The following TRIM66 variants were observed in gnomAD, a reference collection of about 807,000 sequenced individuals.
TRIM66 encodes the protein tripartite motif containing 66.
Under a neutral mutation model 148.2 loss-of-function variants are expected in TRIM66, and 99 were observed. That is an observed-to-expected ratio of 0.67 (90% confidence interval 0.57 to 0.79). The LOEUF is 0.79. Among genes scored for constraint, TRIM66 ranks in the 30% least tolerant of loss-of-function variants. The pLI is 0.00. For missense variants in TRIM66, 1,666 were observed against 1,697.9 expected (o/e 0.98, Z 0.33); for synonymous variants, 616 against 635.9 (o/e 0.97, Z 0.47).
At chr11:8,656,949 C>G (rs1036615036) in intron 6 of TRIM66, among the ~76,000 whole-genome samples, 6 of 152,188 alleles carry the variant, frequency 3.9e-5, no homozygotes, top group Admixed American at 2.0e-4. Flanking sequence ...GAGCCAGACT[C>G]CCACAGCTCA....
At chr11:8,618,090 CCAAGT>C in intron 24 of TRIM66, 87 bp from the exon 25 acceptor site, 1 of 1,286,970 alleles carries the variant, frequency 7.8e-7, no homozygotes, top group Non-Finnish European at 1.1e-6. Context: ...TGCAGTTCTG[CCAAGT>C]CAACGTATTT....
At chr11:8,676,796 T>A (rs1010297269) in intron 3 of TRIM66, among the ~76,000 whole-genome samples, 9 of 152,272 alleles carry the variant, frequency 5.9e-5, no homozygotes, top group African/African-American at 2.2e-4. Flanking sequence ...GGGACAGAGT[T>A]TGCAAGACTG....
In TRIM66 at chr11:8,648,035, A is replaced by G; in HGVS notation, c.777T>C (p.Gly259=). ...VLQNQRMLLE[G]VTTQVAHKKS... ...TCTTATGTGCCACCTGTGTAGTCAC[A>G]CCTTCCAGAAGCATCCTCTGGTTTT... The change falls in exon 10 of 25, where the codon GGT becomes GGC. Residue 259 remains glycine, a synonymous_variant. Transcript: ENST00000646038. 1.3e-6 allele frequency: 2 copies of G among 1,551,722 alleles called. No individual in the cohort carries two copies. The highest frequency in any genetic ancestry group is 1.7e-6 in the Non-Finnish European group (2 of 1,146,990).
chr11:8,661,990 C>T (rs2038291101), intron 6 of TRIM66, among the ~76,000 whole-genome samples: 1 of 152,194 alleles, frequency 6.6e-6, no homozygotes, highest in South Asian at 2.1e-4. Flanking sequence ...ATTGCTCTCC[C>T]AGTAATGGGT....
Position 8,640,463 on chromosome 11 carries a change from G to C in TRIM66, c.1912C>G (p.His638Asp). ...CAGGCAGGGCCAGGAGGGCTCTCGT[G>C]CTGACTAGAAGCCAGATGCTGGGAT... ...PPSQHLASSQHESPPGPACSQ... is the reference protein window; with the variant it reads ...PPSQHLASSQDESPPGPACSQ... Residue 638 changes from histidine (H) to aspartate (D), a missense_variant, in exon 14 of 25, where the codon CAC becomes GAC. His to Asp is a moderately conservative substitution (Grantham distance 81). Coordinates refer to ENST00000646038, the MANE Select transcript of TRIM66 (RefSeq NM_001388022.1). The C allele has an allele frequency of 1.3e-6, 2 of 1,548,578 alleles. No individual in the cohort carries two copies. Among genetic ancestry groups the C allele is most frequent in the South Asian group, 2.4e-5 (2 of 83,940 alleles).
chr11:8,667,397 A>G (rs2038668367), intron 6 of TRIM66, among the ~76,000 whole-genome samples: 1 of 152,342 alleles, frequency 6.6e-6, no homozygotes, highest in East Asian at 1.9e-4. Flanking sequence ...CCAGGACACT[A>G]TCAACAGAAT....
intron 15 of TRIM66, among the ~76,000 whole-genome samples, chr11:8,627,441 CTTTA>C (rs1246096856): frequency 1.3e-5 from 2 of 152,154 alleles, no homozygotes; most frequent in African/African-American, 4.8e-5. Context: ...ACATATATTA[CTTTA>C]TTTAATCCTC....
intron 15 of TRIM66, among the ~76,000 whole-genome samples, chr11:8,634,746 G>A (rs150092709): frequency 1.2e-4 from 19 of 152,280 alleles, no homozygotes; most frequent in Admixed American, 2.6e-4. Context: ...ATTTTCAGCC[G>A]CAACCTGTTT....
chr11:8,682,737 G>A (rs1371012639), upstream of TRIM66: 38 of 1,586,916 alleles, frequency 2.4e-5, no homozygotes, highest in Non-Finnish European at 3.2e-5. Flanking sequence ...CCGGAAGTGA[G>A]GCGTTTTGCC....
rs369328884 is a variant in TRIM66, at chr11:8,646,145, G to A, written c.958-258C>T. Among the ~76,000 whole-genome samples the A allele has an allele frequency of 2.0e-4, 30 of 152,266 alleles. 1 individual carries two copies. The East Asian group carries it at 5.4e-3, about 27-fold the overall frequency. On this transcript the variant is annotated intron_variant, in intron 11 of 24. Coordinates refer to ENST00000646038, the MANE Select transcript of TRIM66 (RefSeq NM_001388022.1). ...ATGAATAAATGTCTACATCTCTTGG[G>A]CATAAATTGGTGAAGAAGGTGGTTT...
At chr11:8,675,676 C>T (rs2039144594) in intron 3 of TRIM66, among the ~76,000 whole-genome samples, 1 of 152,142 alleles carries the variant, frequency 6.6e-6, no homozygotes, top group African/African-American at 2.4e-5. Flanking sequence ...GCCATCGCAC[C>T]CGGCCTGCCA....
chr11:8,645,956 T>A, intron 11 of TRIM66, 69 bp from the exon 12 acceptor site: 1 of 1,473,288 alleles, frequency 6.8e-7, no homozygotes. Flanking sequence ...TTGGGAAGTC[T>A]GGTGGCTTGT....
intron 23 of TRIM66, 46 bp downstream of exon 23, chr11:8,619,337 T>TACA: frequency 8.4e-7 from 1 of 1,183,460 alleles, no homozygotes; most frequent in East Asian, 3.1e-5. Flanking sequence ...ATGACAGTCC[T>TACA]GGGGATGCAG....
At chr11:8,644,071 T>G (rs957483959) in intron 12 of TRIM66, among the ~76,000 whole-genome samples, 43 of 152,184 alleles carry the variant, frequency 2.8e-4, no homozygotes, top group Admixed American at 2.7e-3. Context: ...ACCTTTAAAC[T>G]CCAACAACCC....
intron 6 of TRIM66, among the ~76,000 whole-genome samples, chr11:8,657,367 A>C (rs1196283824): frequency 6.6e-6 from 1 of 152,112 alleles, no homozygotes. Context: ...GAGGAGCCTG[A>C]TGCTCCTCCG....
chr11:8,646,480 G>A lies in TRIM66; in HGVS notation c.924C>T (p.Asn308=). Residue 308 remains asparagine, a synonymous_variant, in exon 11 of 25, where the codon AAC becomes AAT. Transcript: ENST00000646038. ...MAKMVLMNEL[N]KQANGLIEEL... is the part of the protein sequence containing the mutation. ...CCTCTATTAGCCCATTGGCCTGTTT[G>A]TTCAGCTCATTCATCAGAACCATCT... 1.3e-6 allele frequency: 2 copies of A among 1,552,202 alleles called. No individual in the cohort carries two copies. The highest frequency in any genetic ancestry group is 1.7e-6 in the Non-Finnish European group (2 of 1,147,100).
chr11:8,619,235 T>C, intron 23 of TRIM66, 148 bp downstream of exon 23: 1 of 977,846 alleles, frequency 1.0e-6, no homozygotes, highest in East Asian at 2.6e-5. Flanking sequence ...GGGAGAGAGC[T>C]TTTAAACACT....
chr11:8,653,928 C>A (rs11042025), intron 6 of TRIM66, among the ~76,000 whole-genome samples: 99,135 of 151,206 alleles, frequency 0.66, 33,150 homozygotes, highest in Non-Finnish European at 0.71. Flanking sequence ...GAGAAGGATG[C>A]TCTCCACAGG....
In TRIM66 at chr11:8,621,186, G is replaced by C. The variant is rs1388927374; in HGVS notation, c.3391C>G (p.Arg1131Gly). ...TSPEEHRLIP[R>G]TPGAKKGPPA... ...GGGCCCTTCTTGGCTCCTGGGGTTC[G>C]AGGAATGAGTCTGTGTTCTTCAGGA... Residue 1131 changes from arginine (R) to glycine (G), a missense_variant, in exon 20 of 25, where the codon CGA becomes GGA. Arg to Gly is a moderately radical substitution (Grantham distance 125, BLOSUM62 -2). Transcript: ENST00000646038. 4.5e-6 allele frequency: 7 copies of C among 1,551,574 alleles called. No homozygotes were observed. Among genetic ancestry groups the C allele is most frequent in the Non-Finnish European group, 6.1e-6 (7 of 1,147,008 alleles).
Sources: allele counts gnomAD v4.1 joint callset (sites outside exome capture counted in the v4.1 genomes callset), GRCh38; gene constraint gnomAD v4.1.1; transcripts MANE v1.5; gene names NCBI Gene and HGNC (gene_info 2026-07-23, HGNC 2026-07-21).